Variants in NEURL4 observed in about 807,000 individuals in gnomAD.
The protein encoded by NEURL4 is neuralized-like protein 4.
Under a neutral mutation model 148.0 loss-of-function variants are expected in NEURL4, and 45 were observed. The observed-to-expected ratio is 0.30, with a 90% CI of 0.24 to 0.39. NEURL4 has a LOEUF of 0.39. NEURL4 is among the 10% of genes least tolerant of loss of function. NEURL4 has a pLI of 1.00. For synonymous variants in NEURL4, 854 were observed against 869.0 expected (o/e 0.98, Z 0.30); for missense variants, 1,776 against 2,144.0 (o/e 0.83, Z 3.39).
In NEURL4 at chr17:7,327,028, A is replaced by T; in HGVS notation, c.794-19T>A. ...GCAAAGTCTATAGCAGCAGGATGGAAGAAGGAAGCTCGGAAGTTGGGATGA... is the reference window on the plus strand; with the variant it reads ...GCAAAGTCTATAGCAGCAGGATGGATGAAGGAAGCTCGGAAGTTGGGATGA... On this transcript the variant is annotated intron_variant, in intron 3 of 28. Transcript: ENST00000399464. The surrounding 1 kb of genome is among the most constrained non-coding windows in gnomAD (Gnocchi z 6.6). The T allele has an allele frequency of 6.2e-7, 1 of 1,607,654 alleles. No homozygotes were observed. Among genetic ancestry groups the T allele is most frequent in the South Asian group, 1.1e-5 (1 of 91,064 alleles).
chr17:7,318,037 G>T lies in NEURL4; in HGVS notation c.4060+28C>A, dbSNP rs1164181070. 2.5e-6 allele frequency: 4 copies of T among 1,613,806 alleles called. No homozygotes were observed. The highest frequency in any genetic ancestry group is 2.5e-6 in the Non-Finnish European group (3 of 1,179,646). ...CTCTAGGCCTGGCCCTGGGAATGAA[G>T]TCAGTTCTGGCGGACTGTGGGACTC... On this transcript the variant is annotated intron_variant, in intron 25 of 28. Transcript: ENST00000399464. The surrounding 1 kb of genome is among the most constrained non-coding windows in gnomAD (Gnocchi z 4.3).
In NEURL4 at chr17:7,322,862, C is replaced by A; in HGVS notation, c.2598G>T (p.Val866=). The part of the protein sequence containing the change: ...ACSGLPPGKE[V]YAVVDLYGQC... ...GGCCATAGAGATCGACTACCGCATACACCTCTGGGGAGGAGAGGGAAGGTC... is the reference window on the plus strand; with the variant it reads ...GGCCATAGAGATCGACTACCGCATAAACCTCTGGGGAGGAGAGGGAAGGTC... The change falls in exon 16 of 29, where the codon GTG becomes GTT. Residue 866 remains valine (V), a synonymous_variant. Transcript: ENST00000399464. The surrounding 1 kb of genome is among the most constrained non-coding windows in gnomAD (Gnocchi z 5.5). 6.2e-7 allele frequency: 1 copy of A among 1,613,686 alleles called. No individual in the cohort carries two copies.
rs2073077408 is a variant in NEURL4, at chr17:7,324,647, G to T, written c.1813+152C>A. 4 of 1,050,462 alleles carry T rather than the reference G, an allele frequency of 3.8e-6. No homozygotes were observed. Among genetic ancestry groups the T allele is most frequent in the Non-Finnish European group, 5.6e-6 (4 of 712,342 alleles). 65.1% of individuals were successfully genotyped at this position (1,050,462 alleles called of 1,614,324 possible). On this transcript the variant is annotated intron_variant, in intron 9 of 28. Coordinates refer to ENST00000399464, the MANE Select transcript of NEURL4 (RefSeq NM_032442.3). This position sits in a 1 kb window ranked among gnomAD's most constrained non-coding sequence, Gnocchi z 5.9. ...AGAAAACTCTGCAGCTTCCAAGACA[G>T]CCACAGCCCTGCCCACGGGACACTC...
Position 7,326,133 on chromosome 17 carries a change from A to T in NEURL4, c.1293+122T>A. 2 of 891,014 alleles carry T rather than the reference A, an allele frequency of 2.2e-6. No homozygotes were observed. The highest frequency in any genetic ancestry group is 3.6e-6 in the Non-Finnish European group (2 of 561,900). 55.2% of individuals were successfully genotyped at this position (891,014 alleles called of 1,614,324 possible). ...CTCAGGCTTCTAGGAAGGAACCTTT[A>T]GGTGGAAGATACAGGGACTGCCTCT... On this transcript the variant is annotated intron_variant, in intron 6 of 28. Transcript: ENST00000399464. The surrounding 1 kb of genome is among the most constrained non-coding windows in gnomAD (Gnocchi z 6.0).
chr17:7,316,053 G>C lies in NEURL4; in HGVS notation c.*70C>G, dbSNP rs1597627981. 12 of 854,452 alleles carry C rather than the reference G, an allele frequency of 1.4e-5. No homozygotes were observed. In the East Asian group the frequency reaches 2.9e-4, roughly 21 times the overall value. The allele number at this position is 854,452 out of a possible 1,614,324, so 52.9% of individuals were successfully genotyped here. ...ATGCCACGAGTCACGGGAATGAGGTGGAGGCAGTCGCCACTCAGAGTCCAT... is the reference window on the plus strand; with the variant it reads ...ATGCCACGAGTCACGGGAATGAGGTCGAGGCAGTCGCCACTCAGAGTCCAT... On this transcript the variant is annotated 3_prime_UTR_variant, in exon 29 of 29. Transcript: ENST00000399464.
chr17:7,321,176 G>T lies in NEURL4; in HGVS notation c.3296C>A (p.Ser1099Tyr). The change falls in exon 20 of 29, where the codon TCC becomes TAC. Residue 1099 changes from serine to tyrosine, a missense_variant. Coordinates refer to ENST00000399464, the MANE Select transcript of NEURL4 (RefSeq NM_032442.3). The surrounding 1 kb of genome is among the most constrained non-coding windows in gnomAD (Gnocchi z 6.3). Reference sequence around the variant, plus strand: ...CTCACTGCCGGTGTCTGAACTGGGGGAAGGAGGCTGGGTGCCTTCTGACTC... The same window carrying T: ...CTCACTGCCGGTGTCTGAACTGGGGTAAGGAGGCTGGGTGCCTTCTGACTC... ...LEESEGTQPP[S>Y]PSSDTGSEGE... 3 of 1,613,962 alleles carry T rather than the reference G, an allele frequency of 1.9e-6. No homozygotes were observed. The highest frequency in any genetic ancestry group is 2.5e-6 in the Non-Finnish European group (3 of 1,180,016).
Position 7,317,591 on chromosome 17 carries a change from G to A in NEURL4, c.4206-18C>T, listed in dbSNP as rs772634795. The A allele has an allele frequency of 1.6e-5, 26 of 1,611,204 alleles. No homozygotes were observed. Among genetic ancestry groups the A allele is most frequent in the South Asian group, 5.5e-5 (5 of 91,024 alleles). ...GATTCACTCTAGGAGGTGGACAAGC[G>A]GGGCAGATACAACGAAGGCCACTGA... On this transcript the variant is annotated intron_variant, in intron 26 of 28. Transcript: ENST00000399464.
At position 7,325,359 on chromosome 17, in the gene NEURL4, T is replaced by C. The variant is rs1213282720; in HGVS notation, c.1481A>G (p.Asn494Ser). 5 of 1,613,454 alleles carry C rather than the reference T, an allele frequency of 3.1e-6. No homozygotes were observed. The East Asian group carries it at 1.1e-4, about 36-fold the overall frequency. Residue 494 changes from asparagine (N) to serine (S), a missense_variant, in exon 8 of 29, where the codon AAC (asparagine) becomes AGC (serine). Transcript: ENST00000399464. ...NNNHSDRLRRNNAILRALSPE... is the reference protein window; with the variant it reads ...NNNHSDRLRRSNAILRALSPE... ...GGACAGCGCCCGCAGGATGGCGTTGTTTCGGCGGAGACGGTCACTGTGGTT... is the reference window on the plus strand; with the variant it reads ...GGACAGCGCCCGCAGGATGGCGTTGCTTCGGCGGAGACGGTCACTGTGGTT...
rs1008866902 is a variant in NEURL4, at chr17:7,320,516, T to C, written c.3525+243A>G. On this transcript the variant is annotated intron_variant, in intron 21 of 28. Coordinates refer to ENST00000399464, the MANE Select transcript of NEURL4 (RefSeq NM_032442.3). ...GGAAAGCCCTCTCTGCTCCCACATA[T>C]AGGATCAGGCATTTCTCTTGGACTC... is the stretch of plus-strand genomic sequence containing the variant. Among the ~76,000 whole-genome samples, 11 of 152,100 alleles carry C rather than the reference T, an allele frequency of 7.2e-5. 1 individual carries two copies. The highest frequency in any genetic ancestry group is 6.5e-4 in the Admixed American group (10 of 15,276).
rs2073034199 is a variant in NEURL4, at chr17:7,321,537, G to C, written c.3099+23C>G. ...CACCTCCACTCCCAACCCCTCCCCT[G>C]TCCCTGGAGCCAGCCACTTCACCCC... On this transcript the variant is annotated intron_variant, in intron 18 of 28. Transcript: ENST00000399464. This position sits in a 1 kb window ranked among gnomAD's most constrained non-coding sequence, Gnocchi z 6.3. 6.2e-7 allele frequency: 1 copy of C among 1,613,276 alleles called. No homozygotes were observed. The highest frequency in any genetic ancestry group is 8.5e-7 in the Non-Finnish European group (1 of 1,179,426).
At position 7,324,118 on chromosome 17, in the gene NEURL4, C is replaced by G; in HGVS notation, c.2052G>C (p.Val684=). 1 of 1,613,058 alleles carries G rather than the reference C, an allele frequency of 6.2e-7. No homozygotes were observed. Among genetic ancestry groups the G allele is most frequent in the Non-Finnish European group, 8.5e-7 (1 of 1,179,974 alleles). The change falls in exon 11 of 29, where the codon GTG becomes GTC. Residue 684 remains valine, a synonymous_variant. Coordinates refer to ENST00000399464, the MANE Select transcript of NEURL4 (RefSeq NM_032442.3). The surrounding 1 kb of genome is among the most constrained non-coding windows in gnomAD (Gnocchi z 5.9). ...CAGCCCGGCCCTCACCCACGTCGTC[C>G]ACAATGGTGGCCTGGGCCGCCTGGC... ...LYGQAAQATI[V]DDVEVAPVPE...
In NEURL4 at chr17:7,318,209, G is replaced by T. The variant is rs1172182131; in HGVS notation, c.3953-37C>A. The T allele has an allele frequency of 1.9e-6, 3 of 1,611,896 alleles. No individual in the cohort carries two copies. Among genetic ancestry groups the T allele is most frequent in the Admixed American group, 1.7e-5 (1 of 60,008 alleles). On this transcript the variant is annotated intron_variant, in intron 24 of 28. Transcript: ENST00000399464. This position sits in a 1 kb window ranked among gnomAD's most constrained non-coding sequence, Gnocchi z 4.3. ...GAGGGGCACAGGTCACAGGAGCTGG[G>T]CTAGAAGGGTGAGGGTGGGGGAGTA...
At chr17:7,319,345 A>G (rs1433839645) in intron 21 of NEURL4, 137 bp from the exon 22 acceptor site, 1 of 520,452 alleles carries the variant, frequency 1.9e-6, no homozygotes, top group Non-Finnish European at 3.2e-6. Flanking sequence ...GAAGGACCAG[A>G]AAACGCTAAT....
chr17:7,326,123 A>G lies in NEURL4; in HGVS notation c.1293+132T>C. ...TCTTGGGCAACTCAGGCTTCTAGGA[A>G]GGAACCTTTAGGTGGAAGATACAGG... On this transcript the variant is annotated intron_variant, in intron 6 of 28. Coordinates refer to ENST00000399464, the MANE Select transcript of NEURL4 (RefSeq NM_032442.3). The surrounding 1 kb of genome is among the most constrained non-coding windows in gnomAD (Gnocchi z 6.0). 1.2e-6 allele frequency: 1 copy of G among 822,842 alleles called. No individual in the cohort carries two copies. The highest frequency in any genetic ancestry group is 2.0e-6 in the Non-Finnish European group (1 of 507,236). 51.0% of individuals were successfully genotyped at this position (822,842 alleles called of 1,614,324 possible). A position where few individuals can be genotyped will look rare whatever the true frequency, so the allele number is the denominator to read the frequency against.
rs780213774 is a variant in NEURL4 at position 7,329,051 on chromosome 17, T to C, written c.262A>G (p.Thr88Ala). 1.7e-5 allele frequency: 27 copies of C among 1,591,350 alleles called. No homozygotes were observed. Among genetic ancestry groups the C allele is most frequent in the Non-Finnish European group, 2.2e-5 (26 of 1,168,374 alleles). The change falls in exon 1 of 29, where the codon ACC becomes GCC. Residue 88 changes from threonine (T) to alanine (A), a missense_variant. By Grantham distance (58) the Thr-to-Ala change is moderately conservative. Transcript: ENST00000399464. ...TGCACCTTGCGGTCGATGCGGACGG[T>C]GAAGACGCGTCCATCGCGCAAGGGT... ...REPLRDGRVF[T>A]VRIDRKVNSW... is the part of the protein sequence containing the mutation.
Position 7,326,139 on chromosome 17 carries a change from A to G in NEURL4, c.1293+116T>C. On this transcript the variant is annotated intron_variant, in intron 6 of 28. Transcript: ENST00000399464. This position sits in a 1 kb window ranked among gnomAD's most constrained non-coding sequence, Gnocchi z 6.0. ...CTTCTAGGAAGGAACCTTTAGGTGGAAGATACAGGGACTGCCTCTAGGTCA... is the reference window on the plus strand; with the variant it reads ...CTTCTAGGAAGGAACCTTTAGGTGGGAGATACAGGGACTGCCTCTAGGTCA... 1.1e-6 allele frequency: 1 copy of G among 939,792 alleles called. No homozygotes were observed. The highest frequency in any genetic ancestry group is 1.5e-5 in the South Asian group (1 of 68,744). The allele number at this position is 939,792 out of a possible 1,614,324, so 58.2% of individuals were successfully genotyped here.
chr17:7,327,135 C>G lies in NEURL4; in HGVS notation c.793+30G>C. On this transcript the variant is annotated intron_variant, in intron 3 of 28. Transcript: ENST00000399464. The surrounding 1 kb of genome is among the most constrained non-coding windows in gnomAD (Gnocchi z 6.6). ...CCCTTGTCCACCTCACTTCCCACTC[C>G]CCTTCCCAGGGCCTCCCCAAAGCCC... The G allele has an allele frequency of 6.2e-7, 1 of 1,609,834 alleles. No individual in the cohort carries two copies. The highest frequency in any genetic ancestry group is 8.5e-7 in the Non-Finnish European group (1 of 1,179,130).
intron 28 of NEURL4, 149 bp from the exon 29 acceptor site, chr17:7,316,476 T>C: frequency 1.5e-6 from 1 of 645,908 alleles, no homozygotes; most frequent in Non-Finnish European, 2.7e-6. Context: ...CCTGAAATGC[T>C]CTTCCTCCCA....
chr17:7,317,646 T>C lies in NEURL4; in HGVS notation c.4206-73A>G, dbSNP rs574150796. 49 of 1,561,100 alleles carry C rather than the reference T, an allele frequency of 3.1e-5. 1 individual carries two copies. The East Asian group carries it at 9.0e-4, about 29-fold the overall frequency. On this transcript the variant is annotated intron_variant, in intron 26 of 28. Transcript: ENST00000399464. ...CCAGTGGAGGAGCTTCACGAGGCTCTTCCTTAGACAGGAAGTCCCTGGCAC... is the reference window on the plus strand; with the variant it reads ...CCAGTGGAGGAGCTTCACGAGGCTCCTCCTTAGACAGGAAGTCCCTGGCAC...
Sources: allele counts gnomAD v4.1 joint callset (sites outside exome capture counted in the v4.1 genomes callset), GRCh38; gene constraint gnomAD v4.1.1; non-coding constraint Gnocchi (gnomAD v3.1); transcripts MANE v1.5; gene names NCBI Gene and HGNC (gene_info 2026-07-23, HGNC 2026-07-21).